Variants in OTUD7A observed in about 807,000 individuals in gnomAD.
OTUD7A encodes OTU domain-containing protein 7A.
A neutral mutation model predicts 65.7 loss-of-function variants in OTUD7A; 12 were observed. That is an observed-to-expected ratio of 0.18 (90% CI 0.12 to 0.30). The LOEUF (loss-of-function observed/expected upper bound fraction) is 0.30, where lower values mean the gene tolerates loss of function less well. Among genes scored for constraint, OTUD7A ranks in the 10% least tolerant of loss-of-function variants. The pLI is 1.00. For synonymous variants in OTUD7A, 641 were observed against 586.3 expected (o/e 1.09, Z -1.35); for missense variants, 1,148 against 1,304.8 (o/e 0.88, Z 1.85).
At chr15:31,569,669 G>A (rs1420490913) in intron 4 of OTUD7A, among the ~76,000 whole-genome samples, 1 of 152,212 alleles carries the variant, frequency 6.6e-6, no homozygotes, top group East Asian at 1.9e-4. Flanking sequence ...ATGTGATGCT[G>A]AACAGACTTG....
intron 1 of OTUD7A, among the ~76,000 whole-genome samples, chr15:31,671,433 T>C (rs947515222): frequency 1.3e-5 from 2 of 152,234 alleles, no homozygotes; most frequent in African/African-American, 4.8e-5. Flanking sequence ...TGTCTGTTTT[T>C]TGTAGCAGTA....
chr15:31,661,661 A>C (rs1379115120), intron 1 of OTUD7A, among the ~76,000 whole-genome samples: 2 of 152,166 alleles, frequency 1.3e-5, no homozygotes, highest in East Asian at 1.9e-4. Context: ...ATCCACAACT[A>C]CTTCCATCTC....
At chr15:31,628,001 C>T (rs1418682085) in intron 3 of OTUD7A, among the ~76,000 whole-genome samples, 8 of 152,080 alleles carry the variant, frequency 5.3e-5, no homozygotes, top group Admixed American at 5.2e-4. Flanking sequence ...AGCCCTTTGT[C>T]AGATGAGTAG....
intron 3 of OTUD7A, among the ~76,000 whole-genome samples, chr15:31,590,067 C>A (rs1889673344): frequency 6.6e-6 from 1 of 152,114 alleles, no homozygotes; most frequent in Non-Finnish European, 1.5e-5. Context: ...CAATGACAGA[C>A]CACATACAAT....
intron 3 of OTUD7A, among the ~76,000 whole-genome samples, chr15:31,578,776 TC>T (rs1889283374): frequency 6.6e-6 from 1 of 152,320 alleles, no homozygotes; most frequent in Admixed American, 6.5e-5. Flanking sequence ...GGTCTCAAAC[TC>T]CTGACCTCAG....
chr15:31,622,291 C>G (rs1270832298), intron 3 of OTUD7A, among the ~76,000 whole-genome samples: 4 of 152,012 alleles, frequency 2.6e-5, no homozygotes. Context: ...TCTGTATTTC[C>G]TGAATGTGAA....
At chr15:31,782,659 G>A (rs1895571255) in intron 1 of OTUD7A, among the ~76,000 whole-genome samples, 1 of 152,236 alleles carries the variant, frequency 6.6e-6, no homozygotes, top group East Asian at 1.9e-4. Flanking sequence ...CAGCAGATCA[G>A]TAATGATGAT....
intron 1 of OTUD7A, among the ~76,000 whole-genome samples, chr15:31,757,250 A>C (rs576388012): frequency 6.6e-6 from 1 of 152,116 alleles, no homozygotes; most frequent in South Asian, 2.1e-4. Flanking sequence ...TTCTAACCCC[A>C]AAGTTTGGGG....
chr15:31,823,805 G>A (rs188817183), intron 1 of OTUD7A, among the ~76,000 whole-genome samples: 1 of 152,276 alleles, frequency 6.6e-6, no homozygotes, highest in African/African-American at 2.4e-5. Flanking sequence ...GCCCTCAGCA[G>A]CAGCCTAAAT....
In OTUD7A at chr15:31,477,014, G is replaced by C. The variant is rs1440190479; in HGVS notation, c.*6280C>G. On this transcript the variant is annotated 3_prime_UTR_variant, in exon 13 of 13. Transcript: ENST00000307050. ...GCCTGGGCCCAAGGAGGTGTGTGTT[G>C]CTTGGCTCTGTGGTGTCAAGGCCCT... The C allele has an allele frequency of 6.6e-6, 1 of 152,382 alleles. No individual in the cohort carries two copies. Among genetic ancestry groups the C allele is most frequent in the African/African-American group, 2.4e-5 (1 of 41,474 alleles). The allele number at this position is 152,382 out of a possible 1,614,324, so 9.4% of individuals were successfully genotyped here. A position where few individuals can be genotyped will look rare whatever the true frequency, so the allele number is the denominator to read the frequency against.
At chr15:31,766,216 A>G (rs1413824263) in intron 1 of OTUD7A, 4 of 1,532,436 alleles carry the variant, frequency 2.6e-6, no homozygotes, top group African/African-American at 2.7e-5. Flanking sequence ...TCAGCACAGC[A>G]TAACACACAT....
At chr15:31,734,922 C>T (rs900241096) in intron 1 of OTUD7A, among the ~76,000 whole-genome samples, 11 of 152,002 alleles carry the variant, frequency 7.2e-5, no homozygotes, top group Non-Finnish European at 4.4e-5. Context: ...AATTAAAGAG[C>T]TTCTGCACAG....
intron 1 of OTUD7A, among the ~76,000 whole-genome samples, chr15:31,669,231 T>C (rs1406952036): frequency 6.6e-6 from 1 of 152,214 alleles, no homozygotes; most frequent in Admixed American, 6.5e-5. Flanking sequence ...ACATGCCATT[T>C]ATCTTCAGCT....
At chr15:31,595,199 G>A (rs1001335131) in intron 3 of OTUD7A, among the ~76,000 whole-genome samples, 1 of 152,200 alleles carries the variant, frequency 6.6e-6, no homozygotes, top group Non-Finnish European at 1.5e-5. Flanking sequence ...CCTGTGCCTG[G>A]AGTGTGCAGC....
At chr15:31,850,468 G>GT in intron 1 of OTUD7A, among the ~76,000 whole-genome samples, 1 of 152,200 alleles carries the variant, frequency 6.6e-6, no homozygotes, top group South Asian at 2.1e-4. Flanking sequence ...TAAATGATGA[G>GT]TTAATGGGTG....
chr15:31,508,159 T>A (rs2041612159), intron 8 of OTUD7A, among the ~76,000 whole-genome samples: 1 of 152,192 alleles, frequency 6.6e-6, no homozygotes, highest in African/African-American at 2.4e-5. Flanking sequence ...AGAAAGTATA[T>A]GAAAATTAAG....
chr15:31,583,479 G>A (rs552537291), intron 3 of OTUD7A, among the ~76,000 whole-genome samples: 13 of 152,154 alleles, frequency 8.5e-5, no homozygotes, highest in East Asian at 1.9e-4. Context: ...CATAATTCCC[G>A]TACGTTGTAG....
intron 3 of OTUD7A, among the ~76,000 whole-genome samples, chr15:31,595,678 C>T (rs150896457): frequency 7.5e-4 from 114 of 152,374 alleles, no homozygotes; most frequent in Non-Finnish European, 1.4e-3. Flanking sequence ...GTAGGCTCAG[C>T]TGGCTTCTCT....
chr15:31,819,914 G>A (rs1365492289), intron 1 of OTUD7A, among the ~76,000 whole-genome samples: 1 of 152,004 alleles, frequency 6.6e-6, no homozygotes, highest in East Asian at 1.9e-4. Flanking sequence ...TTATGGAGTA[G>A]GTATACAGGC....
Sources: allele counts gnomAD v4.1 joint callset (sites outside exome capture counted in the v4.1 genomes callset), GRCh38; gene constraint gnomAD v4.1.1; transcripts MANE v1.5; gene names NCBI Gene and HGNC (gene_info 2026-07-23, HGNC 2026-07-21).